The following ADAM10 variants were observed in gnomAD, a reference collection of about 807,000 sequenced individuals.
ADAM10 encodes disintegrin and metalloproteinase domain-containing protein 10.
Under a neutral mutation model 90.1 loss-of-function variants are expected in ADAM10, and 17 were observed. That is an observed-to-expected ratio of 0.19 (90% confidence interval 0.13 to 0.28). The LOEUF is 0.28. ADAM10 is among the 10% of genes least tolerant of loss of function. The pLI, the probability that ADAM10 is intolerant of heterozygous loss-of-function variation, is 1.00. For missense variants in ADAM10, 610 were observed against 914.3 expected, an observed-to-expected ratio of 0.67 and a Z score of 4.29; for synonymous variants, 310 against 298.6, an observed-to-expected ratio of 1.04 and a Z score of -0.40.
At chr15:58,685,790 G>A (rs1414401576) in intron 2 of ADAM10, among the ~76,000 whole-genome samples, 6 of 151,628 alleles carry the variant, frequency 4.0e-5, no homozygotes, top group Admixed American at 6.6e-5. Context: ...TAAAACATAC[G>A]AGCATATTTC....
At chr15:58,711,532 C>T (rs922966816) in intron 2 of ADAM10, among the ~76,000 whole-genome samples, 3 of 152,122 alleles carry the variant, frequency 2.0e-5, no homozygotes, top group Non-Finnish European at 2.9e-5. Flanking sequence ...CAGTTTATGA[C>T]TACTCCAATA....
intron 4 of ADAM10, among the ~76,000 whole-genome samples, chr15:58,666,753 G>C (rs1457390493): frequency 6.6e-6 from 1 of 152,002 alleles, no homozygotes; most frequent in Non-Finnish European, 1.5e-5. Flanking sequence ...TTCGCAAACT[G>C]AATTTTATAT....
intron 2 of ADAM10, among the ~76,000 whole-genome samples, chr15:58,682,771 T>C (rs1409339809): frequency 6.6e-6 from 1 of 152,140 alleles, no homozygotes; most frequent in Non-Finnish European, 1.5e-5. Flanking sequence ...ATTTAACATC[T>C]CTTCTCAGAA....
At chr15:58,649,906 T>C (rs369563524) in intron 5 of ADAM10, among the ~76,000 whole-genome samples, 6 of 152,298 alleles carry the variant, frequency 3.9e-5, no homozygotes, top group South Asian at 2.1e-4. Context: ...ATCAATTACA[T>C]AATACATATA....
intron 14 of ADAM10, among the ~76,000 whole-genome samples, chr15:58,606,423 T>C (rs1480399685): frequency 6.6e-6 from 1 of 152,236 alleles, no homozygotes; most frequent in Non-Finnish European, 1.5e-5. Context: ...GTTTCAAAGT[T>C]AATATGCACA....
intron 14 of ADAM10, among the ~76,000 whole-genome samples, chr15:58,608,938 G>C (rs754546644): frequency 6.6e-6 from 1 of 151,776 alleles, no homozygotes; most frequent in East Asian, 1.9e-4. Context: ...ATCTCCTTTC[G>C]TTTTCTGTAT....
intron 2 of ADAM10, among the ~76,000 whole-genome samples, chr15:58,683,859 C>CAAAAAAAA (rs71425819): frequency 2.7e-4 from 18 of 67,236 alleles, no homozygotes; most frequent in African/African-American, 6.5e-4. Flanking sequence ...GGCTCCATCT[C>CAAAAAAAA]AAAAAAAAAA....
intron 4 of ADAM10, among the ~76,000 whole-genome samples, chr15:58,673,682 A>G (rs1324039471): frequency 3.3e-5 from 5 of 151,928 alleles, no homozygotes; most frequent in Non-Finnish European, 5.9e-5. Context: ...AAGTCTAAGC[A>G]TATTTTTTCC....
Position 58,610,548 on chromosome 15 carries a change from G to C in ADAM10, c.1805-31C>G, listed in dbSNP as rs746158627. Reference sequence around the variant, plus strand: ...AAAGAAATGCCAAATATAAGCTGAAGGTCAGATTCAAATATAAGTTGAAGA... The same window carrying C: ...AAAGAAATGCCAAATATAAGCTGAACGTCAGATTCAAATATAAGTTGAAGA... On this transcript the variant is annotated intron_variant, in intron 13 of 15. Transcript: ENST00000260408. 4.4e-6 allele frequency: 7 copies of C among 1,592,602 alleles called. No individual in the cohort carries two copies. The African/African-American group carries it at 6.7e-5, about 15-fold the overall frequency.
chr15:58,637,850 T>C (rs1361434760), intron 8 of ADAM10, among the ~76,000 whole-genome samples: 7 of 152,108 alleles, frequency 4.6e-5, no homozygotes, highest in African/African-American at 1.7e-4. Context: ...GAACACAAGT[T>C]TCCTCATCTG....
At position 58,722,482 on chromosome 15, in the gene ADAM10, G is replaced by A. The variant is rs113424959; in HGVS notation, c.56-4755C>T. On this transcript the variant is annotated intron_variant, in intron 1 of 15. Transcript: ENST00000260408. ...TCCCAAGAGTTCAAGGCCACAGTGA[G>A]CTATGATAACGGCCAGTGCACTCCA... Among the ~76,000 whole-genome samples, 751 of 151,012 alleles carry A rather than the reference G, an allele frequency of 5.0e-3. 5 individuals are homozygous for A. The highest frequency in any genetic ancestry group is 0.017 in the African/African-American group (698 of 41,146).
chr15:58,604,745 ACT>A (rs1895220198), intron 14 of ADAM10, among the ~76,000 whole-genome samples: 1 of 151,878 alleles, frequency 6.6e-6, no homozygotes, highest in Admixed American at 6.6e-5. Flanking sequence ...GTACCTACAC[ACT>A]CTTTTTTTTC....
intron 10 of ADAM10, among the ~76,000 whole-genome samples, chr15:58,625,934 A>G (rs1895928777): frequency 6.6e-6 from 1 of 152,218 alleles, no homozygotes; most frequent in Non-Finnish European, 1.5e-5. Context: ...TTTTATTTAT[A>G]TAACTTTTTT....
intron 5 of ADAM10, among the ~76,000 whole-genome samples, chr15:58,656,623 CCT>C (rs1361694537): frequency 2.0e-5 from 3 of 151,932 alleles, no homozygotes; most frequent in Non-Finnish European, 4.4e-5. Flanking sequence ...ACTTTGTCCC[CCT>C]GCTTTTTAAC....
chr15:58,707,008 C>CA (rs796234312), intron 2 of ADAM10, among the ~76,000 whole-genome samples: 1,389 of 41,270 alleles, frequency 0.034, 18 homozygotes, highest in African/African-American at 0.055. Context: ...GACTCCATCT[C>CA]AAAAAAAAAA....
intron 5 of ADAM10, among the ~76,000 whole-genome samples, chr15:58,648,031 G>C (rs1416319273): frequency 1.3e-5 from 2 of 152,032 alleles, no homozygotes; most frequent in Admixed American, 1.3e-4. Context: ...AATTCCATGT[G>C]AACATACACA....
At chr15:58,635,575 TCA>T (rs1366042940) in intron 8 of ADAM10, among the ~76,000 whole-genome samples, 1 of 152,136 alleles carries the variant, frequency 6.6e-6, no homozygotes, top group Non-Finnish European at 1.5e-5. Flanking sequence ...CTTTTGGAGC[TCA>T]GTCCTGAGAA....
At chr15:58,644,741 C>T (rs1291245693) in intron 6 of ADAM10, among the ~76,000 whole-genome samples, 1 of 152,180 alleles carries the variant, frequency 6.6e-6, no homozygotes, top group African/African-American at 2.4e-5. Flanking sequence ...TATTGCTGCA[C>T]ATTCTGTAAA....
rs146901639 is a variant in ADAM10 at position 58,699,838 on chromosome 15, T to TC, written c.207-17525_207-17524insG. Among the ~76,000 whole-genome samples, 977 of 152,146 alleles carry TC rather than the reference T, an allele frequency of 6.4e-3. 18 individuals are homozygous for TC. The highest frequency in any genetic ancestry group is 0.022 in the African/African-American group (932 of 41,504). Reference sequence around the variant, plus strand: ...CAAGAAATTAATAAAATGGCAGGAATAAGCGCTCACATACCAGTAATAACC... The same window carrying TC: ...CAAGAAATTAATAAAATGGCAGGAATCAAGCGCTCACATACCAGTAATAACC... On this transcript the variant is annotated intron_variant, in intron 2 of 15. Transcript: ENST00000260408.
Sources: allele counts gnomAD v4.1 joint callset (sites outside exome capture counted in the v4.1 genomes callset), GRCh38; gene constraint gnomAD v4.1.1; transcripts MANE v1.5; gene names NCBI Gene and HGNC (gene_info 2026-07-23, HGNC 2026-07-21).